The following RBM4 variants were observed in gnomAD, a reference collection of about 807,000 sequenced individuals.
RBM4 encodes RNA-binding protein 4.
RBM4 carries 7 observed loss-of-function variants against 29.5 expected under a neutral mutation model. The ratio of observed to expected loss-of-function variants is 0.24; its 90% confidence interval spans 0.14 to 0.45. The LOEUF (loss-of-function observed/expected upper bound fraction) is 0.45, where lower values mean the gene tolerates loss of function less well. Among genes scored for constraint, RBM4 ranks in the 20% least tolerant of loss-of-function variants. The probability of loss-of-function intolerance (pLI) is 1.00; values close to 1 mark genes in which losing one functional copy is unlikely to be tolerated. For synonymous variants in RBM4, 220 were observed against 205.4 expected, an observed-to-expected ratio of 1.07 and a Z score of -0.61; for missense variants, 387 against 502.3, an observed-to-expected ratio of 0.77 and a Z score of 2.19.
intron 2 of RBM4, among the ~76,000 whole-genome samples, chr11:66,656,739 C>G (rs531460230): frequency 6.6e-6 from 1 of 152,248 alleles, no homozygotes; most frequent in Admixed American, 6.5e-5. Context: ...CGGTTCACTG[C>G]AATCTCCACC....
chr11:66,639,588 C>A, intron 1 of RBM4, 112 bp from the exon 2 acceptor site: 1 of 1,303,314 alleles, frequency 7.7e-7, no homozygotes, highest in Non-Finnish European at 1.1e-6. Context: ...GGTGTGTGTG[C>A]AGGCGTGTGA....
At chr11:66,648,540 C>T (rs893623051), downstream of RBM4, among the ~76,000 whole-genome samples, 5 of 150,684 alleles carry the variant, frequency 3.3e-5, no homozygotes, top group South Asian at 2.1e-4. Flanking sequence ...TTTTGCCAGG[C>T]GCGGTGGCTC....
At position 66,643,979 on chromosome 11, in the gene RBM4, T is replaced by C; in HGVS notation, c.942T>C (p.Ala314=). Reference sequence around the variant, plus strand: ...GGGATCGGAGCCCCCTGCGTCGCGCTACAGCCCCAGTCCCCACTGTTGGAG... The same window carrying C: ...GGGATCGGAGCCCCCTGCGTCGCGCCACAGCCCCAGTCCCCACTGTTGGAG... ...YGRDRSPLRR[A]TAPVPTVGEG... Residue 314 remains alanine, a synonymous_variant, in exon 3 of 4, where the codon GCT becomes GCC. Transcript: ENST00000310092. The surrounding 1 kb of genome is among the most constrained non-coding windows in gnomAD (Gnocchi z 6.1). 1 of 1,613,230 alleles carries C rather than the reference T, an allele frequency of 6.2e-7. No homozygotes were observed. The highest frequency in any genetic ancestry group is 8.5e-7 in the Non-Finnish European group (1 of 1,180,004).
chr11:66,649,711 C>A (rs76112966), downstream of RBM4: 9 of 700,972 alleles, frequency 1.3e-5, no homozygotes, highest in East Asian at 2.4e-4. Context: ...TAATAAAGTA[C>A]TTTTTCTTGC....
chr11:66,651,903 C>T (rs990667652), intron 2 of RBM4, among the ~76,000 whole-genome samples: 3 of 141,234 alleles, frequency 2.1e-5, no homozygotes, highest in African/African-American at 7.4e-5. Context: ...ATAATCACCT[C>T]TCAAAAGTGT....
At chr11:66,658,716 C>G (rs940876911) in intron 2 of RBM4, among the ~76,000 whole-genome samples, 1 of 151,940 alleles carries the variant, frequency 6.6e-6, no homozygotes, top group African/African-American at 2.4e-5. Flanking sequence ...GTGGGCAGAT[C>G]ACTTGATGTC....
chr11:66,651,393 G>T (rs1342659176), downstream of RBM4, among the ~76,000 whole-genome samples: 1 of 151,476 alleles, frequency 6.6e-6, no homozygotes, highest in Non-Finnish European at 1.5e-5. Flanking sequence ...TGTCACCCAG[G>T]TTGGAGTGCA....
At chr11:66,666,947 C>G (rs1190873283) in exon 3 of RBM4, 2 of 149,688 alleles carry the variant, frequency 1.3e-5, no homozygotes, top group East Asian at 3.9e-4. Context: ...AGGAGCCACT[C>G]TTGCCCAGGC....
chr11:66,641,881 T>C (rs550507433), intron 2 of RBM4, among the ~76,000 whole-genome samples: 10 of 152,212 alleles, frequency 6.6e-5, no homozygotes, highest in Non-Finnish European at 1.2e-4. Context: ...TTTAGATATT[T>C]TTTAAAATTT....
chr11:66,653,169 G>A (rs1938868481), intron 2 of RBM4, among the ~76,000 whole-genome samples: 1 of 152,012 alleles, frequency 6.6e-6, no homozygotes, highest in African/African-American at 2.4e-5. Flanking sequence ...ACTGAGTTTG[G>A]GGCTTCCTTT....
At chr11:66,647,680 G>A (rs1359952025), downstream of RBM4, among the ~76,000 whole-genome samples, 1 of 152,156 alleles carries the variant, frequency 6.6e-6, no homozygotes, top group African/African-American at 2.4e-5. Flanking sequence ...AAACATTGGA[G>A]ACTAACAGTA....
At chr11:66,645,206 C>T (rs1445849691) in intron 3 of RBM4, among the ~76,000 whole-genome samples, 1 of 152,118 alleles carries the variant, frequency 6.6e-6, no homozygotes, top group East Asian at 1.9e-4. Context: ...CCATTTGGCT[C>T]TCCTTGAATA....
Position 66,646,088 on chromosome 11 carries a change from GTACCCCA to G in RBM4, c.*72_*78del. The G allele has an allele frequency of 2.0e-6, 3 of 1,535,740 alleles. No individual in the cohort carries two copies. Among genetic ancestry groups the G allele is most frequent in the Non-Finnish European group, 2.6e-6 (3 of 1,146,856 alleles). On this transcript the variant is annotated 3_prime_UTR_variant, in exon 4 of 4. Coordinates refer to ENST00000310092, the MANE Select transcript of RBM4 (RefSeq NM_002896.4). ...TGTGCATGAGAATACACCCTTCGTG[GTACCCCA>G]TCTCCGGGACGTTCTCGGCTCTGTG...
downstream of RBM4, among the ~76,000 whole-genome samples, chr11:66,646,977 A>G (rs1938709954): frequency 6.6e-6 from 1 of 152,220 alleles, no homozygotes; most frequent in Non-Finnish European, 1.5e-5. Flanking sequence ...CCAAAATCCA[A>G]AGAATGCCTG....
chr11:66,661,779 C>T lies in RBM4; in HGVS notation c.413-4077C>T, dbSNP rs1010729009. 5.3e-5 allele frequency among the ~76,000 whole-genome samples: 8 copies of T among 152,138 alleles called. No homozygotes were observed. The East Asian group carries it at 5.8e-4, about 11-fold the overall frequency. On this transcript the variant is annotated intron_variant, in intron 2 of 2. Transcript: ENST00000396053. ...GTGTGGTGGCTCACGCCTGTAATCCCGGCACTTTGGGAAGCCGAGGTGGGT... is the reference window on the plus strand; with the variant it reads ...GTGTGGTGGCTCACGCCTGTAATCCTGGCACTTTGGGAAGCCGAGGTGGGT...
At chr11:66,667,014 CTCAGCT>C (rs546250920) in exon 3 of RBM4, 1 of 152,102 alleles carries the variant, frequency 6.6e-6, no homozygotes, top group Admixed American at 6.5e-5. Flanking sequence ...ATCCTCCAGC[CTCAGCT>C]TCCTGAATAG....
chr11:66,651,706 T>C (rs1180221077), intron 2 of RBM4, among the ~76,000 whole-genome samples: 2 of 152,184 alleles, frequency 1.3e-5, no homozygotes, highest in Admixed American at 6.5e-5. Flanking sequence ...TAAGACTGGA[T>C]GGCTTATACA....
At chr11:66,640,573 G>A (rs980387648) in intron 2 of RBM4, 5 of 261,220 alleles carry the variant, frequency 1.9e-5, no homozygotes, top group African/African-American at 1.1e-4. Flanking sequence ...TTGTTAAGCT[G>A]TCCTACCTTA....
exon 3 of RBM4, chr11:66,666,913 T>TC (rs1314088888): frequency 1.3e-5 from 2 of 150,576 alleles, no homozygotes; most frequent in African/African-American, 4.9e-5. Flanking sequence ...CTTTTTAATT[T>TC]TTTTTTTTTT....
Sources: allele counts gnomAD v4.1 joint callset (sites outside exome capture counted in the v4.1 genomes callset), GRCh38; gene constraint gnomAD v4.1.1; non-coding constraint Gnocchi (gnomAD v3.1); transcripts MANE v1.5; gene names NCBI Gene and HGNC (gene_info 2026-07-23, HGNC 2026-07-21).